Variants in THSD4 observed in about 807,000 individuals in gnomAD.
THSD4 encodes the protein thrombospondin type-1 domain-containing protein 4.
Under a neutral mutation model 119.0 loss-of-function variants are expected in THSD4, and 69 were observed. That is an observed-to-expected ratio of 0.58 (90% confidence interval 0.48 to 0.71). THSD4 has a LOEUF of 0.71. Ranked by LOEUF, THSD4 falls within the 30% of genes least tolerant of loss-of-function variation. THSD4 has a pLI of 0.00. For synonymous variants in THSD4, 524 were observed against 540.4 expected (o/e 0.97, Z 0.42); for missense variants, 1,393 against 1,391.1 (o/e 1.00, Z -0.02).
chr15:71,313,665 A>G (rs182350647), intron 6 of THSD4, among the ~76,000 whole-genome samples: 8 of 150,674 alleles, frequency 5.3e-5, no homozygotes, highest in Admixed American at 5.3e-4. Context: ...GGAAGGAGAG[A>G]CTCTTTTCGT....
chr15:71,356,753 C>A lies in THSD4; in HGVS notation c.1016-54934C>A, dbSNP rs551274363. On this transcript the variant is annotated intron_variant, in intron 6 of 17. Coordinates refer to ENST00000261862, the MANE Select transcript of THSD4 (RefSeq NM_024817.3). The stretch of plus-strand genomic sequence containing the variant: ...ATGGTGGTCCATCTATTTCCTGAAG[C>A]CCTGCCTTAGGTCAGATGGGGGTCT... 6.6e-5 allele frequency among the ~76,000 whole-genome samples: 10 copies of A among 152,262 alleles called. No individual in the cohort carries two copies. In the South Asian group the frequency reaches 2.1e-3, roughly 32 times the overall value.
chr15:71,350,157 A>AAAAAT (rs1409916191), intron 6 of THSD4, among the ~76,000 whole-genome samples: 1 of 152,022 alleles, frequency 6.6e-6, no homozygotes, highest in African/African-American at 2.4e-5. Flanking sequence ...AAAAAAAAAA[A>AAAAAT]AAAATGAACA....
In THSD4 at chr15:71,415,110, G is replaced by A. The variant is rs117490609; in HGVS notation, c.1152+3287G>A. ...GCAGACAGTTTTCCCTAAGATGTGC[G>A]TCTGCATCTGAAATAGTGACACAAA... On this transcript the variant is annotated intron_variant, in intron 7 of 17. Transcript: ENST00000261862. 6.9e-4 allele frequency among the ~76,000 whole-genome samples: 105 copies of A among 152,322 alleles called. 2 individuals carry two copies. The East Asian group carries it at 0.015, about 22-fold the overall frequency.
chr15:71,374,970 G>A (rs1485812143), intron 6 of THSD4, among the ~76,000 whole-genome samples: 3 of 152,034 alleles, frequency 2.0e-5, no homozygotes, highest in African/African-American at 4.8e-5. Flanking sequence ...CCTGTCCTGC[G>A]GGTATTTAGA....
intron 6 of THSD4, among the ~76,000 whole-genome samples, chr15:71,344,984 G>T (rs1043877190): frequency 6.6e-5 from 10 of 152,086 alleles, no homozygotes; most frequent in African/African-American, 2.2e-4. Context: ...TGTGGGAGAT[G>T]GGTAGCAAGC....
At chr15:71,331,528 C>T (rs113363631) in intron 6 of THSD4, among the ~76,000 whole-genome samples, 3 of 152,156 alleles carry the variant, frequency 2.0e-5, no homozygotes, top group Non-Finnish European at 4.4e-5. Flanking sequence ...CACCATGGGG[C>T]GGGGTGAGCT....
chr15:71,273,762 A>G (rs2044559871), intron 6 of THSD4, among the ~76,000 whole-genome samples: 1 of 152,236 alleles, frequency 6.6e-6, no homozygotes, highest in East Asian at 1.9e-4. Flanking sequence ...AATCCGAGGA[A>G]GCAAGCCAGA....
At position 71,748,353 on chromosome 15, in the gene THSD4, C is replaced by G. The variant is rs2053379280; in HGVS notation, c.2242-68C>G. ...GGGCTGATCACAAAGGCTGCGGGCT[C>G]CATACTGGCAATTCTCTCCCAGAGC... On this transcript the variant is annotated intron_variant, in intron 13 of 17. Transcript: ENST00000261862. 5.7e-6 allele frequency: 9 copies of G among 1,583,430 alleles called. No homozygotes were observed. The Admixed American group carries it at 1.5e-4, about 27-fold the overall frequency.
intron 7 of THSD4, among the ~76,000 whole-genome samples, chr15:71,651,365 A>C (rs1184613991): frequency 1.3e-5 from 2 of 152,086 alleles, no homozygotes; most frequent in African/African-American, 4.8e-5. Context: ...TTCCATCTCC[A>C]GTCCATTGCC....
chr15:71,713,988 AACAAG>A (rs2141097646), intron 8 of THSD4, among the ~76,000 whole-genome samples: 1 of 152,274 alleles, frequency 6.6e-6, no homozygotes, highest in Non-Finnish European at 1.5e-5. Flanking sequence ...TGAGCCATAG[AACAAG>A]ACAAGCAGAT....
chr15:71,259,688 G>T (rs2140292503), intron 6 of THSD4, among the ~76,000 whole-genome samples: 1 of 152,250 alleles, frequency 6.6e-6, no homozygotes. Flanking sequence ...ATTGGTCTGG[G>T]ATGCAGTCTG....
At chr15:71,565,598 CT>C (rs2049220295) in intron 7 of THSD4, among the ~76,000 whole-genome samples, 1 of 152,302 alleles carries the variant, frequency 6.6e-6, no homozygotes, top group Non-Finnish European at 1.5e-5. Flanking sequence ...AAGTAAAAGA[CT>C]TTAGCAGGCT....
rs1343875235 is a variant in THSD4, at chr15:71,445,737, T to G, written c.1152+33914T>G. 1.1e-4 allele frequency among the ~76,000 whole-genome samples: 17 copies of G among 152,354 alleles called. 1 individual carries two copies. In the East Asian group the frequency reaches 3.3e-3, roughly 29 times the overall value. Reference sequence around the variant, plus strand: ...CAAAGCATTGGTTAGGACCACTGTTTTGGCTGACTGGAAAGAGGTGATGAT... The same window carrying G: ...CAAAGCATTGGTTAGGACCACTGTTGTGGCTGACTGGAAAGAGGTGATGAT... On this transcript the variant is annotated intron_variant, in intron 7 of 17. Transcript: ENST00000261862.
chr15:71,332,892 A>ATTTTTTTTTTTTTTTTTT lies in THSD4; in HGVS notation c.1015+76193_1015+76194insTTTTTTTTTTTTTTTTTT. Among the ~76,000 whole-genome samples, 324 of 76,906 alleles carry ATTTTTTTTTTTTTTTTTT rather than the reference A, an allele frequency of 4.2e-3. 42 individuals carry two copies. The highest frequency in any genetic ancestry group is 6.4e-3 in the African/African-American group (160 of 24,882). 50.5% of individuals were successfully genotyped at this position (76,906 alleles called of 152,430 possible). ...TCTTAAAACATTGAGATTTTTTTACATTTTTTTTTTTTTTTTAGTTCATCA... is the reference window on the plus strand; with the variant it reads ...TCTTAAAACATTGAGATTTTTTTACATTTTTTTTTTTTTTTTTTTTTTTTTTTTTTTTTTAGTTCATCA... On this transcript the variant is annotated intron_variant, in intron 6 of 17. Coordinates refer to ENST00000261862, the MANE Select transcript of THSD4 (RefSeq NM_024817.3).
intron 17 of THSD4, 102 bp from the exon 18 acceptor site, chr15:71,777,130 C>A: frequency 7.5e-7 from 1 of 1,334,580 alleles, no homozygotes; most frequent in South Asian, 1.2e-5. Context: ...TAATAAACAG[C>A]AGCGCAGGAG....
At chr15:71,111,820 C>T (rs756807429), upstream of THSD4, 8 of 521,886 alleles carry the variant, frequency 1.5e-5, no homozygotes, top group Admixed American at 3.7e-5. Flanking sequence ...GATGAAAACA[C>T]GAGGTTTGTA....
chr15:71,248,912 A>G (rs2044230765), intron 5 of THSD4, among the ~76,000 whole-genome samples: 1 of 152,204 alleles, frequency 6.6e-6, no homozygotes, highest in Non-Finnish European at 1.5e-5. Context: ...AAAGCTTGCC[A>G]GGAACCATGA....
intron 7 of THSD4, among the ~76,000 whole-genome samples, chr15:71,532,684 G>A (rs2048632937): frequency 1.3e-5 from 2 of 152,134 alleles, no homozygotes. Context: ...AGAGTGTTTG[G>A]TGCTGGCTGT....
intron 8 of THSD4, among the ~76,000 whole-genome samples, chr15:71,698,051 C>G (rs1179208651): frequency 1.3e-5 from 2 of 152,136 alleles, no homozygotes; most frequent in Non-Finnish European, 2.9e-5. Flanking sequence ...CAGCTCAGCC[C>G]CTTCTCACAC....
Sources: allele counts gnomAD v4.1 joint callset (sites outside exome capture counted in the v4.1 genomes callset), GRCh38; gene constraint gnomAD v4.1.1; transcripts MANE v1.5; gene names NCBI Gene and HGNC (gene_info 2026-07-23, HGNC 2026-07-21).